Variants in NUDT9 observed in about 807,000 individuals in gnomAD.
The protein encoded by NUDT9 is nudix hydrolase 9.
In NUDT9, 31 loss-of-function variants were observed where a neutral mutation model predicts 41.0. The observed-to-expected ratio is 0.76, with a 90% CI of 0.57 to 1.02. NUDT9 has a LOEUF of 1.02. NUDT9 is among the 50% of genes least tolerant of loss of function. The pLI, the probability that NUDT9 is intolerant of heterozygous loss-of-function variation, is 0.00. For synonymous variants in NUDT9, 146 were observed against 147.6 expected, an observed-to-expected ratio of 0.99 and a Z score of 0.08; for missense variants, 380 against 431.4, an observed-to-expected ratio of 0.88 and a Z score of 1.06.
rs536908293 is a variant in NUDT9 at position 87,453,985 on chromosome 4, G to C, written c.790-386G>C. On this transcript the variant is annotated intron_variant, in intron 6 of 7. Coordinates refer to ENST00000302174, the MANE Select transcript of NUDT9 (RefSeq NM_024047.5). ...GTAATTTCTCCTGTCTTAGCCTCCC[G>C]AGTAGCCGGGACTACAGGCACCTAC... Among the ~76,000 whole-genome samples, 631 of 150,160 alleles carry C rather than the reference G, an allele frequency of 4.2e-3. 6 individuals are homozygous for C. Among genetic ancestry groups the C allele is most frequent in the African/African-American group, 0.014 (587 of 40,956 alleles).
chr4:87,433,825 T>G (rs1721789975), intron 1 of NUDT9, among the ~76,000 whole-genome samples: 1 of 152,200 alleles, frequency 6.6e-6, no homozygotes, highest in South Asian at 2.1e-4. Context: ...TTCATGCCTG[T>G]ATATTTTATT....
rs1446391452 is a variant in NUDT9, at chr4:87,451,741, A to G, written c.789+6A>G. On this transcript the variant is annotated splice_donor_region_variant and intron_variant, in intron 6 of 7. Transcript: ENST00000302174. ...TCAGCCAAGACCACCTAGTGGTAAG[A>G]AATAGTGTTTCTGGGAGGGATTTAG... The G allele has an allele frequency of 1.2e-6, 2 of 1,611,898 alleles. No individual in the cohort carries two copies. The highest frequency in any genetic ancestry group is 2.7e-5 in the African/African-American group (2 of 74,894).
intron 7 of NUDT9, among the ~76,000 whole-genome samples, chr4:87,456,797 G>A (rs1349067867): frequency 1.3e-5 from 2 of 152,152 alleles, no homozygotes; most frequent in African/African-American, 4.8e-5. Context: ...TGGGCGTGGT[G>A]GCAGATGCCT....
At chr4:87,453,621 G>A (rs1722854302) in intron 6 of NUDT9, among the ~76,000 whole-genome samples, 2 of 151,918 alleles carry the variant, frequency 1.3e-5, no homozygotes, top group African/African-American at 4.8e-5. Flanking sequence ...GTAGAGACGA[G>A]GTTTCACCAT....
chr4:87,423,507 T>C (rs1289441586), intron 1 of NUDT9, among the ~76,000 whole-genome samples: 3 of 149,960 alleles, frequency 2.0e-5, no homozygotes, highest in African/African-American at 4.9e-5. Context: ...TTATGGTGTC[T>C]TACACTGCCT....
At chr4:87,440,913 A>G (rs1364088068) in intron 3 of NUDT9, among the ~76,000 whole-genome samples, 1 of 152,144 alleles carries the variant, frequency 6.6e-6, no homozygotes, top group Non-Finnish European at 1.5e-5. Context: ...GAATTTGGAA[A>G]GAATTATTGT....
At chr4:87,426,707 C>A (rs1471266925) in intron 1 of NUDT9, among the ~76,000 whole-genome samples, 1 of 151,330 alleles carries the variant, frequency 6.6e-6, no homozygotes, top group African/African-American at 2.4e-5. Context: ...CTGCGCCTGG[C>A]CTTAATGTTC....
chr4:87,442,036 T>G (rs1722225457), intron 4 of NUDT9, 121 bp downstream of exon 4: 3 of 656,436 alleles, frequency 4.6e-6, no homozygotes, highest in Non-Finnish European at 7.8e-6. Context: ...TGTGTTTGTA[T>G]ATATATGTAT....
At chr4:87,451,238 T>C (rs1408951005) in intron 5 of NUDT9, among the ~76,000 whole-genome samples, 1 of 152,168 alleles carries the variant, frequency 6.6e-6, no homozygotes, top group East Asian at 1.9e-4. Flanking sequence ...CTGGGAACAT[T>C]GAGGAGGTCA....
intron 2 of NUDT9, among the ~76,000 whole-genome samples, chr4:87,436,511 G>A (rs986330413): frequency 6.6e-6 from 1 of 151,816 alleles, no homozygotes; most frequent in African/African-American, 2.4e-5. Context: ...AGTTCTCACT[G>A]TATCATCCAG....
chr4:87,424,039 G>T (rs894047171), intron 1 of NUDT9, among the ~76,000 whole-genome samples: 3 of 152,132 alleles, frequency 2.0e-5, no homozygotes, highest in African/African-American at 7.2e-5. Context: ...CACAGTAGGG[G>T]TCCTACCCCT....
chr4:87,429,238 A>C (rs535045206), intron 1 of NUDT9, among the ~76,000 whole-genome samples: 2 of 152,124 alleles, frequency 1.3e-5, no homozygotes, highest in East Asian at 3.9e-4. Flanking sequence ...TGCAGCCTTG[A>C]CCTCCTGGAC....
In NUDT9 at chr4:87,458,823, G is replaced by A. The variant is rs1022664667; in HGVS notation, c.*802G>A. On this transcript the variant is annotated 3_prime_UTR_variant, in exon 8 of 8. Coordinates refer to ENST00000302174, the MANE Select transcript of NUDT9 (RefSeq NM_024047.5). ...TTACAGATGCTAGTGAGGTTGTAGA[G>A]AAAAAGGAATGCTTATACGCTGTTA... 2 of 152,212 alleles carry A rather than the reference G, an allele frequency of 1.3e-5. No individual in the cohort carries two copies. The highest frequency in any genetic ancestry group is 2.9e-5 in the Non-Finnish European group (2 of 68,042). 9.4% of individuals were successfully genotyped at this position (152,212 alleles called of 1,614,324 possible).
chr4:87,447,882 A>T (rs1044867058), intron 4 of NUDT9, among the ~76,000 whole-genome samples: 4 of 151,944 alleles, frequency 2.6e-5, no homozygotes, highest in Non-Finnish European at 5.9e-5. Flanking sequence ...AACAAAAAAA[A>T]TTAGCTGGGC....
At chr4:87,444,736 T>C (rs1374154755) in intron 4 of NUDT9, among the ~76,000 whole-genome samples, 3 of 152,162 alleles carry the variant, frequency 2.0e-5, no homozygotes, top group African/African-American at 7.2e-5. Flanking sequence ...GCTGGGAGTA[T>C]ACATGGTGAT....
intron 4 of NUDT9, among the ~76,000 whole-genome samples, chr4:87,443,918 A>T (rs1205171524): frequency 6.6e-6 from 1 of 152,098 alleles, no homozygotes; most frequent in Non-Finnish European, 1.5e-5. Flanking sequence ...AACGGGGGAG[A>T]GGCATTCTCT....
Position 87,424,254 on chromosome 4 carries a change from G to GTTTTT in NUDT9, c.107+1261_107+1265dup, listed in dbSNP as rs147874067. Among the ~76,000 whole-genome samples, 100 of 99,170 alleles carry GTTTTT rather than the reference G, an allele frequency of 1.0e-3. 1 individual carries two copies. Among genetic ancestry groups the GTTTTT allele is most frequent in the African/African-American group, 1.9e-3 (44 of 23,462 alleles). The allele number at this position is 99,170 out of a possible 152,430, so 65.1% of individuals were successfully genotyped here. ...TAGGAATAGCATTTCTCCCTAATGC[G>GTTTTT]TTTTTTTTTTTTTTTTTTTTTTTGA... On this transcript the variant is annotated intron_variant, in intron 1 of 7. Transcript: ENST00000302174.
intron 3 of NUDT9, among the ~76,000 whole-genome samples, chr4:87,439,365 C>G (rs1722096422): frequency 6.6e-6 from 1 of 150,482 alleles, no homozygotes; most frequent in South Asian, 2.1e-4. Context: ...CTTATAAAAC[C>G]ATCAGATTGG....
chr4:87,440,384 C>G (rs754948925), intron 3 of NUDT9, among the ~76,000 whole-genome samples: 3 of 152,204 alleles, frequency 2.0e-5, no homozygotes, highest in Non-Finnish European at 4.4e-5. Flanking sequence ...TGGCTTATTA[C>G]TCTCTCTTTG....
Sources: gnomAD v4.1 joint callset for allele counts (sites outside exome capture counted in the v4.1 genomes callset) on GRCh38, gnomAD v4.1.1 for gene constraint, MANE v1.5 for transcripts, NCBI Gene and HGNC (gene_info 2026-07-23, HGNC 2026-07-21) for gene names.